Variants in HDGFL3 observed in about 807,000 individuals in gnomAD.
The protein encoded by HDGFL3 is HDGF like 3.
In HDGFL3, 6 loss-of-function variants were observed where a neutral mutation model predicts 27.6. The observed-to-expected ratio is 0.22, with a 90% CI of 0.12 to 0.43. The LOEUF is 0.43. Among genes scored for constraint, HDGFL3 ranks in the 20% least tolerant of loss-of-function variants. The pLI, the probability that HDGFL3 is intolerant of heterozygous loss-of-function variation, is 1.00. For synonymous variants in HDGFL3, 88 were observed against 88.9 expected, an observed-to-expected ratio of 0.99 and a Z score of 0.05; for missense variants, 207 against 250.1, an observed-to-expected ratio of 0.83 and a Z score of 1.16.
exon 4 of HDGFL3, chr15:83,115,451 A>G (rs960446257): frequency 2.7e-5 from 10 of 365,672 alleles, no homozygotes; most frequent in Non-Finnish European, 4.3e-5. Flanking sequence ...GGTCACTTCT[A>G]TGCTTCCTTG....
At chr15:83,151,760 G>C (rs541437317) in intron 4 of HDGFL3, among the ~76,000 whole-genome samples, 2 of 152,312 alleles carry the variant, frequency 1.3e-5, no homozygotes, top group East Asian at 3.9e-4. Flanking sequence ...TTTTATAGTA[G>C]TGGAAATTGA....
At chr15:83,205,887 G>T (rs558737289) in intron 1 of HDGFL3, among the ~76,000 whole-genome samples, 2 of 152,196 alleles carry the variant, frequency 1.3e-5, no homozygotes, top group Non-Finnish European at 2.9e-5. Flanking sequence ...CTTATCTTAA[G>T]GACAATCTAC....
intron 1 of HDGFL3, among the ~76,000 whole-genome samples, chr15:83,171,235 A>T (rs1339692394): frequency 7.0e-6 from 1 of 142,476 alleles, no homozygotes; most frequent in Non-Finnish European, 1.5e-5. Context: ...TTAAAAAATT[A>T]AAAAACAATG....
chr15:83,142,793 A>T (rs1401871594), intron 5 of HDGFL3, among the ~76,000 whole-genome samples: 3 of 152,232 alleles, frequency 2.0e-5, no homozygotes, highest in African/African-American at 4.8e-5. Flanking sequence ...AATAGATATG[A>T]GGATCTAGTT....
intron 3 of HDGFL3, among the ~76,000 whole-genome samples, chr15:83,116,283 C>A (rs909975001): frequency 6.6e-6 from 1 of 152,168 alleles, no homozygotes; most frequent in Non-Finnish European, 1.5e-5. Context: ...ATCTCAGAAA[C>A]CCCAAGTCAG....
chr15:83,178,373 G>A (rs958127065), intron 1 of HDGFL3, among the ~76,000 whole-genome samples: 7 of 152,310 alleles, frequency 4.6e-5, no homozygotes, highest in African/African-American at 1.7e-4. Context: ...AAGTAGCAGA[G>A]ATGATATATT....
chr15:83,183,384 T>A (rs2037402758), intron 1 of HDGFL3, among the ~76,000 whole-genome samples: 1 of 152,134 alleles, frequency 6.6e-6, no homozygotes, highest in African/African-American at 2.4e-5. Context: ...ACAATTAAAT[T>A]TATTGTGCCC....
intron 1 of HDGFL3, among the ~76,000 whole-genome samples, chr15:83,200,472 C>T (rs972312161): frequency 2.6e-5 from 4 of 152,204 alleles, no homozygotes; most frequent in Non-Finnish European, 5.9e-5. Flanking sequence ...TGCTGAAAAA[C>T]ATACCTTCCA....
At chr15:83,152,990 CTTTTTTTTTTTTTT>C (rs920789734) in intron 4 of HDGFL3, among the ~76,000 whole-genome samples, 1 of 113,314 alleles carries the variant, frequency 8.8e-6, no homozygotes, top group African/African-American at 3.2e-5. Flanking sequence ...ATACGCAGTT[CTTTTTTTTTTTTTT>C]TTTTTTTTAA....
At chr15:83,120,037 G>C (rs1221727544) in intron 3 of HDGFL3, 2 of 233,156 alleles carry the variant, frequency 8.6e-6, no homozygotes, top group Non-Finnish European at 1.7e-5. Flanking sequence ...CAAAGCTTCT[G>C]TCCTTCCCCA....
intron 3 of HDGFL3, chr15:83,115,934 T>C: frequency 6.2e-7 from 1 of 1,613,028 alleles, no homozygotes; most frequent in Non-Finnish European, 8.5e-7. Flanking sequence ...GACACACTAC[T>C]TGAGAGAGGT....
intron 1 of HDGFL3, among the ~76,000 whole-genome samples, chr15:83,175,097 T>C (rs767994142): frequency 1.3e-5 from 2 of 152,350 alleles, no homozygotes; most frequent in South Asian, 2.1e-4. Flanking sequence ...TGGTCAACCA[T>C]AGTTGCCCAC....
intron 1 of HDGFL3, among the ~76,000 whole-genome samples, chr15:83,164,628 T>C (rs1463008219): frequency 6.6e-6 from 1 of 152,200 alleles, no homozygotes; most frequent in Non-Finnish European, 1.5e-5. Flanking sequence ...CAAATCTGTC[T>C]ATAGCTTCTC....
intron 1 of HDGFL3, among the ~76,000 whole-genome samples, chr15:83,199,095 T>C (rs1387358954): frequency 1.3e-5 from 2 of 152,224 alleles, no homozygotes; most frequent in Non-Finnish European, 2.9e-5. Flanking sequence ...TTCAAAATTA[T>C]TGACTTCATC....
chr15:83,178,185 T>C (rs117720700), intron 1 of HDGFL3, among the ~76,000 whole-genome samples: 1 of 152,366 alleles, frequency 6.6e-6, no homozygotes, highest in East Asian at 1.9e-4. Flanking sequence ...GGCTCAGTTT[T>C]AATGAATTTC....
chr15:83,172,053 C>T (rs2037252918), intron 1 of HDGFL3, among the ~76,000 whole-genome samples: 1 of 152,198 alleles, frequency 6.6e-6, no homozygotes, highest in Admixed American at 6.5e-5. Flanking sequence ...TATCCTCTTG[C>T]CCTCTCTATG....
In HDGFL3 at chr15:83,186,993, A is replaced by G. The variant is rs190027802; in HGVS notation, c.84+20338T>C. Among the ~76,000 whole-genome samples the G allele has an allele frequency of 2.3e-3, 352 of 152,130 alleles. 2 individuals are homozygous for G. Among genetic ancestry groups the G allele is most frequent in the Non-Finnish European group, 4.4e-3 (302 of 67,990 alleles). Reference sequence around the variant, plus strand: ...CCATCTGAACCAGCAATGAAAGGAGAAAAAAAATGGTGATGAATATATCCC... The same window carrying G: ...CCATCTGAACCAGCAATGAAAGGAGGAAAAAAATGGTGATGAATATATCCC... On this transcript the variant is annotated intron_variant, in intron 1 of 5. Coordinates refer to ENST00000299633, the MANE Select transcript of HDGFL3 (RefSeq NM_016073.4).
intron 1 of HDGFL3, among the ~76,000 whole-genome samples, chr15:83,186,612 A>C (rs1458179616): frequency 6.6e-6 from 1 of 152,228 alleles, no homozygotes; most frequent in African/African-American, 2.4e-5. Context: ...CCATTATTTT[A>C]AGTGAAGTAA....
In HDGFL3 at chr15:83,115,849, T is replaced by C. The variant is rs564772209; in HGVS notation, c.394-108A>G. On this transcript the variant is annotated intron_variant, in intron 3 of 3. Coordinates refer to the HDGFL3 transcript ENST00000568294. ...CTGCTGCTTTCTTTGCTCTAGTGTATGCAGTTTTTGGATTTACCAGCGTGG... is the reference window on the plus strand; with the variant it reads ...CTGCTGCTTTCTTTGCTCTAGTGTACGCAGTTTTTGGATTTACCAGCGTGG... 5.6e-6 allele frequency: 9 copies of C among 1,612,762 alleles called. No individual in the cohort carries two copies. In the South Asian group the frequency reaches 9.9e-5, roughly 18 times the overall value.
Sources: allele counts gnomAD v4.1 joint callset (sites outside exome capture counted in the v4.1 genomes callset), GRCh38; gene constraint gnomAD v4.1.1; transcripts MANE v1.5; gene names NCBI Gene and HGNC (gene_info 2026-07-23, HGNC 2026-07-21).